The following DLC1 variants were observed in gnomAD, a reference collection of about 807,000 sequenced individuals.
DLC1 encodes DLC1 Rho GTPase activating protein.
In DLC1, 54 loss-of-function variants were observed where a neutral mutation model predicts 140.3. The ratio of observed to expected loss-of-function variants is 0.38; its 90% CI spans 0.31 to 0.48. DLC1 has a LOEUF of 0.48. DLC1 is among the 20% of genes least tolerant of loss of function. The probability of loss-of-function intolerance (pLI) is 0.96; values close to 1 mark genes in which losing one functional copy is unlikely to be tolerated. For missense variants in DLC1, 2,536 were observed against 1,907.0 expected (o/e 1.33, Z -6.14); for synonymous variants, 986 against 728.1 (o/e 1.35, Z -5.70).
chr8:13,305,159 A>C, intron 5 of DLC1, 110 bp downstream of exon 5: 1 of 1,446,692 alleles, frequency 6.9e-7, no homozygotes, highest in Non-Finnish European at 9.1e-7. Flanking sequence ...ACATTTTCCC[A>C]TATATTCATG....
chr8:13,268,792 T>C (rs1563211873), intron 5 of DLC1, among the ~76,000 whole-genome samples: 1 of 152,006 alleles, frequency 6.6e-6, no homozygotes, highest in Non-Finnish European at 1.5e-5. Context: ...GTGGGGCCTA[T>C]AAGTATCTTC....
At chr8:13,292,795 AT>A (rs1287019235) in intron 5 of DLC1, among the ~76,000 whole-genome samples, 5 of 152,136 alleles carry the variant, frequency 3.3e-5, no homozygotes, top group Non-Finnish European at 5.9e-5. Context: ...TGTGTCACTC[AT>A]TTTTTTGTTT....
chr8:13,362,089 A>C (rs1206691542), intron 4 of DLC1, among the ~76,000 whole-genome samples: 1 of 152,244 alleles, frequency 6.6e-6, no homozygotes, highest in Non-Finnish European at 1.5e-5. Context: ...CAGGCTCTGA[A>C]GGAGGAAAGT....
At chr8:13,381,549 G>A (rs1472664292) in intron 4 of DLC1, among the ~76,000 whole-genome samples, 2 of 152,170 alleles carry the variant, frequency 1.3e-5, no homozygotes, top group African/African-American at 2.4e-5. Flanking sequence ...AGTCTCTGTC[G>A]TTGTCTCTTA....
At chr8:13,561,010 A>G (rs540196016) in intron 1 of DLC1, among the ~76,000 whole-genome samples, 13 of 152,210 alleles carry the variant, frequency 8.5e-5, no homozygotes, top group Middle Eastern at 3.4e-3. Flanking sequence ...TAAAATGGGG[A>G]CATTTGGAAT....
intron 4 of DLC1, among the ~76,000 whole-genome samples, chr8:13,347,537 C>A (rs1834406899): frequency 6.6e-6 from 1 of 152,112 alleles, no homozygotes; most frequent in African/African-American, 2.4e-5. Flanking sequence ...ATATAATGAT[C>A]ATTCTTCCTG....
intron 5 of DLC1, among the ~76,000 whole-genome samples, chr8:13,180,115 C>T (rs1040725886): frequency 1.3e-5 from 2 of 152,204 alleles, no homozygotes; most frequent in African/African-American, 4.8e-5. Context: ...TGTTTACAGA[C>T]ATTCTTTGAC....
chr8:13,190,837 C>T (rs1294329672), intron 5 of DLC1, among the ~76,000 whole-genome samples: 2 of 152,040 alleles, frequency 1.3e-5, no homozygotes, highest in Non-Finnish European at 2.9e-5. Flanking sequence ...GATGAAGTCG[C>T]CAAGTGTGGG....
intron 5 of DLC1, among the ~76,000 whole-genome samples, chr8:13,245,231 G>T (rs992819208): frequency 6.6e-6 from 1 of 152,138 alleles, no homozygotes; most frequent in African/African-American, 2.4e-5. Flanking sequence ...CTCCGTTGAG[G>T]CCCCACTGGG....
rs1032502409 is a variant in DLC1, at chr8:13,462,605, A to G, written c.1023+36444T>C. 5.3e-5 allele frequency among the ~76,000 whole-genome samples: 8 copies of G among 151,884 alleles called. No homozygotes were observed. The East Asian group carries it at 1.5e-3, about 29-fold the overall frequency. ...TATTTTTCAGTAGAGACAGGGTTTCACTGTGTTAGCCAGGATGGTCTCGAT... is the reference window on the plus strand; with the variant it reads ...TATTTTTCAGTAGAGACAGGGTTTCGCTGTGTTAGCCAGGATGGTCTCGAT... On this transcript the variant is annotated intron_variant, in intron 2 of 17. Coordinates refer to ENST00000276297, the MANE Select transcript of DLC1 (RefSeq NM_182643.3).
At chr8:13,495,603 A>ATATATACTAAAAATAAAGG (rs1801464550) in intron 2 of DLC1, among the ~76,000 whole-genome samples, 1 of 152,168 alleles carries the variant, frequency 6.6e-6, no homozygotes, top group East Asian at 1.9e-4. Context: ...TATATACTAC[A>ATATATACTAAAAATAAAGG]TATATACTAA....
chr8:13,147,804 A>G (rs1026038980), intron 5 of DLC1, among the ~76,000 whole-genome samples: 3 of 152,138 alleles, frequency 2.0e-5, no homozygotes, highest in South Asian at 2.1e-4. Context: ...CCTGGCCAAC[A>G]TGGTGAAACC....
At chr8:13,416,433 A>G (rs1329447639) in intron 2 of DLC1, among the ~76,000 whole-genome samples, 2 of 152,142 alleles carry the variant, frequency 1.3e-5, no homozygotes, top group African/African-American at 4.8e-5. Flanking sequence ...TATATACAAA[A>G]CATATAAAAG....
At chr8:13,453,751 T>C (rs1160544398) in intron 2 of DLC1, among the ~76,000 whole-genome samples, 1 of 151,140 alleles carries the variant, frequency 6.6e-6, no homozygotes, top group East Asian at 1.9e-4. Flanking sequence ...AATAGTACTT[T>C]GTTATAATTG....
chr8:13,395,539 C>A (rs955219779), intron 3 of DLC1, among the ~76,000 whole-genome samples: 18 of 152,190 alleles, frequency 1.2e-4, no homozygotes, highest in Non-Finnish European at 2.9e-5. Context: ...GCAGATAGAA[C>A]ATGATCGTTA....
chr8:13,405,860 CTCTTTTCTTTTCTTTTT>C (rs1837504995), intron 2 of DLC1, among the ~76,000 whole-genome samples: 1 of 140,078 alleles, frequency 7.1e-6, no homozygotes, highest in Non-Finnish European at 1.6e-5. Context: ...CTGTCTTTCT[CTCTTTTCTTTTCTTTTT>C]TCTTTTCTTT....
At chr8:13,418,165 G>C (rs1029359518) in intron 2 of DLC1, among the ~76,000 whole-genome samples, 37 of 152,120 alleles carry the variant, frequency 2.4e-4, no homozygotes, top group African/African-American at 8.4e-4. Flanking sequence ...TTTGTAAGTT[G>C]CCTGTTCACT....
At chr8:13,465,288 G>A (rs1002658133) in intron 2 of DLC1, among the ~76,000 whole-genome samples, 2 of 152,128 alleles carry the variant, frequency 1.3e-5, no homozygotes, top group Admixed American at 6.5e-5. Context: ...AATTTTTGGA[G>A]TATGTGAATG....
intron 5 of DLC1, among the ~76,000 whole-genome samples, chr8:13,170,610 G>C (rs1285911304): frequency 6.6e-6 from 1 of 151,642 alleles, no homozygotes; most frequent in African/African-American, 2.4e-5. Flanking sequence ...GGCACCTGTA[G>C]TCCCAGCTAG....
Sources: gnomAD v4.1 joint callset for allele counts (sites outside exome capture counted in the v4.1 genomes callset) on GRCh38, gnomAD v4.1.1 for gene constraint, MANE v1.5 for transcripts, NCBI Gene and HGNC (gene_info 2026-07-23, HGNC 2026-07-21) for gene names.